KIFAP3: variants seen among roughly 807,000 people sequenced by gnomAD.
KIFAP3 encodes kinesin-associated protein 3.
KIFAP3 carries 68 observed loss-of-function variants against 106.5 expected under a neutral mutation model. The ratio of observed to expected loss-of-function variants is 0.64; its 90% CI spans 0.53 to 0.78. The LOEUF is 0.78. KIFAP3 is among the 30% of genes least tolerant of loss of function. KIFAP3 has a pLI of 0.00. For synonymous variants in KIFAP3, 320 were observed against 311.5 expected (o/e 1.03, Z -0.29); for missense variants, 780 against 941.8 (o/e 0.83, Z 2.25).
At position 170,035,455 on chromosome 1, in the gene KIFAP3, T is replaced by G; in HGVS notation, c.616A>C (p.Ser206Arg). ...TTATTTAATAATTTTTATACTTACC[T>G]GGAGAAACAAAAAAAGATGTAAATT... The part of the protein sequence containing the change: ...NIIYIFFCFS[S>R]FSQFHGLITH... The change falls in exon 6 of 20, where the codon AGC becomes CGC. Residue 206 changes from serine to arginine, a missense_variant and splice_region_variant. Physicochemically the swap from Ser to Arg is moderately radical, Grantham distance 110. Coordinates refer to ENST00000361580, the MANE Select transcript of KIFAP3 (RefSeq NM_014970.4). 1 of 1,590,870 alleles carries G rather than the reference T, an allele frequency of 6.3e-7. No homozygotes were observed. Among genetic ancestry groups the G allele is most frequent in the Non-Finnish European group, 8.6e-7 (1 of 1,164,874 alleles).
chr1:170,056,358 T>C (rs931951003), intron 1 of KIFAP3, among the ~76,000 whole-genome samples: 7 of 152,120 alleles, frequency 4.6e-5, no homozygotes, highest in African/African-American at 7.2e-5. Context: ...TATGGAAAGG[T>C]TGTATATACT....
chr1:170,018,378 TTTATAG>T (rs1668627762), intron 9 of KIFAP3, among the ~76,000 whole-genome samples: 1 of 152,136 alleles, frequency 6.6e-6, no homozygotes, highest in Non-Finnish European at 1.5e-5. Context: ...GAGAACTTAC[TTTATAG>T]TAACAGAGGA....
intron 2 of KIFAP3, 109 bp from the exon 3 acceptor site, chr1:170,046,975 A>G (rs1283081577): frequency 3.6e-6 from 2 of 555,922 alleles, no homozygotes; most frequent in South Asian, 6.4e-5. Flanking sequence ...GAACCTGGCC[A>G]TAGACTCTTA....
chr1:169,963,791 G>C (rs1245987490), intron 17 of KIFAP3, among the ~76,000 whole-genome samples: 4 of 152,096 alleles, frequency 2.6e-5, no homozygotes, highest in Non-Finnish European at 5.9e-5. Flanking sequence ...ACCGTGTCTG[G>C]CCAGGACTTC....
chr1:170,037,610 G>A (rs1427706828), intron 5 of KIFAP3, among the ~76,000 whole-genome samples: 1 of 151,590 alleles, frequency 6.6e-6, no homozygotes, highest in Non-Finnish European at 1.5e-5. Flanking sequence ...GGTGGCACGT[G>A]CCTATAATCC....
chr1:169,928,699 C>CAAAAAAAAAAAAAAAAAAAAAAA lies in KIFAP3; in HGVS notation c.2274-6919_2274-6918insTTTTTTTTTTTTTTTTTTTTTTT, dbSNP rs10690029. Among the ~76,000 whole-genome samples the CAAAAAAAAAAAAAAAAAAAAAAA allele has an allele frequency of 2.9e-3, 110 of 37,760 alleles. 13 individuals carry two copies. The highest frequency in any genetic ancestry group is 4.7e-3 in the South Asian group (3 of 644). 24.8% of individuals were successfully genotyped at this position (37,760 alleles called of 152,430 possible). ...AACAGAGTGAGTGAGACCCTGTCTCCAAAAAAAAAAAAAAAAAAAAAATTA... is the reference window on the plus strand; with the variant it reads ...AACAGAGTGAGTGAGACCCTGTCTCCAAAAAAAAAAAAAAAAAAAAAAAAAAAAAAAAAAAAAAAAAAAAATTA... On this transcript the variant is annotated intron_variant, in intron 19 of 19. Transcript: ENST00000361580.
intron 1 of KIFAP3, among the ~76,000 whole-genome samples, chr1:170,067,126 T>C (rs2102164805): frequency 6.6e-6 from 1 of 152,146 alleles, no homozygotes; most frequent in South Asian, 2.1e-4. Flanking sequence ...GCATAAAATA[T>C]AAGTCAGAAG....
intron 19 of KIFAP3, among the ~76,000 whole-genome samples, chr1:169,935,853 A>C (rs1258939880): frequency 6.6e-6 from 1 of 152,044 alleles, no homozygotes; most frequent in Non-Finnish European, 1.5e-5. Flanking sequence ...AAAATAAATT[A>C]TATGACAGAG....
intron 17 of KIFAP3, 65 bp from the exon 18 acceptor site, chr1:169,961,300 A>G (rs1025342720): frequency 1.5e-6 from 2 of 1,300,326 alleles, no homozygotes; most frequent in Non-Finnish European, 2.2e-6. Flanking sequence ...AGACGGCAAT[A>G]TTTTTATCTC....
At chr1:170,039,418 C>T (rs545883689) in intron 3 of KIFAP3, 130 bp from the exon 4 acceptor site, 2 of 559,008 alleles carry the variant, frequency 3.6e-6, no homozygotes, top group Non-Finnish European at 6.4e-6. Context: ...ATGAAATAAT[C>T]TCTTCTCAAT....
At chr1:170,080,847 G>C (rs1672008053) in intron 1 of KIFAP3, among the ~76,000 whole-genome samples, 1 of 152,038 alleles carries the variant, frequency 6.6e-6, no homozygotes, top group African/African-American at 2.4e-5. Context: ...TCAGTATCTA[G>C]AATTATTCTG....
intron 19 of KIFAP3, among the ~76,000 whole-genome samples, chr1:169,941,660 A>G (rs1211272199): frequency 6.6e-6 from 1 of 152,142 alleles, no homozygotes; most frequent in Non-Finnish European, 1.5e-5. Flanking sequence ...TAAATATACA[A>G]TAAAATATAT....
In KIFAP3 at chr1:170,015,153, T is replaced by C. The variant is rs570789673; in HGVS notation, c.1183+1309A>G. Among the ~76,000 whole-genome samples the C allele has an allele frequency of 6.6e-5, 10 of 152,288 alleles. No homozygotes were observed. The South Asian group carries it at 1.9e-3, about 28-fold the overall frequency. ...TATCACATGAGTGATTTCTTAAAAATCTCTTTTAAATCATACATTTTATCA... is the reference window on the plus strand; with the variant it reads ...TATCACATGAGTGATTTCTTAAAAACCTCTTTTAAATCATACATTTTATCA... On this transcript the variant is annotated intron_variant, in intron 10 of 19. Transcript: ENST00000361580.
intron 3 of KIFAP3, among the ~76,000 whole-genome samples, chr1:170,039,760 C>T (rs138195844): frequency 7.1e-4 from 108 of 152,038 alleles, no homozygotes; most frequent in African/African-American, 2.4e-3. Flanking sequence ...AGAATAGTTG[C>T]TAACTGGTTC....
intron 2 of KIFAP3, among the ~76,000 whole-genome samples, chr1:170,050,212 T>C (rs1298518279): frequency 6.6e-6 from 1 of 152,070 alleles, no homozygotes; most frequent in East Asian, 1.9e-4. Context: ...CAAGTATCAA[T>C]AGCCAAATCG....
At position 170,027,542 on chromosome 1, in the gene KIFAP3, T is replaced by C. The variant is rs114201361; in HGVS notation, c.842-2946A>G. Among the ~76,000 whole-genome samples, 1,089 of 152,260 alleles carry C rather than the reference T, an allele frequency of 7.2e-3. 18 individuals carry two copies. The highest frequency in any genetic ancestry group is 0.024 in the African/African-American group (998 of 41,564). On this transcript the variant is annotated intron_variant, in intron 8 of 19. Coordinates refer to ENST00000361580, the MANE Select transcript of KIFAP3 (RefSeq NM_014970.4). ...TATTCAAACTTCTATCACTGAAAAC[T>C]ACAATGCTTGAGACTATAAACTAGA...
intron 18 of KIFAP3, among the ~76,000 whole-genome samples, chr1:169,956,796 G>C (rs1038703736): frequency 1.5e-4 from 23 of 151,614 alleles, no homozygotes; most frequent in Non-Finnish European, 2.1e-4. Context: ...GTAGAGACGG[G>C]GTATTTCCCA....
chr1:169,922,625 C>T (rs1309362166), intron 19 of KIFAP3, among the ~76,000 whole-genome samples: 1 of 152,170 alleles, frequency 6.6e-6, no homozygotes, highest in Non-Finnish European at 1.5e-5. Context: ...TTATCCAACA[C>T]TTAGGAAAAT....
chr1:170,054,352 G>A (rs114672046), intron 2 of KIFAP3, among the ~76,000 whole-genome samples: 1,623 of 152,030 alleles, frequency 0.011, 17 homozygotes, highest in South Asian at 0.014. Flanking sequence ...ATGCTGCTCA[G>A]GCTGTGGAAA....
Sources: gnomAD v4.1 joint callset for allele counts (sites outside exome capture counted in the v4.1 genomes callset) on GRCh38, gnomAD v4.1.1 for gene constraint, MANE v1.5 for transcripts, NCBI Gene and HGNC (gene_info 2026-07-23, HGNC 2026-07-21) for gene names.